Variants in FSIP2 observed in about 807,000 individuals in gnomAD.
FSIP2 encodes fibrous sheath interacting protein 2.
In FSIP2, 367 loss-of-function variants were observed where a neutral mutation model predicts 510.5. The observed-to-expected ratio is 0.72, with a 90% CI of 0.66 to 0.78. The LOEUF (loss-of-function observed/expected upper bound fraction) is 0.78. Ranked by LOEUF, FSIP2 falls within the 30% of genes least tolerant of loss-of-function variation. The pLI, the probability that FSIP2 is intolerant of heterozygous loss-of-function variation, is 0.00. For synonymous variants in FSIP2, 2,601 were observed against 2,732.2 expected, an observed-to-expected ratio of 0.95 and a Z score of 1.50; for missense variants, 7,594 against 7,901.7, an observed-to-expected ratio of 0.96 and a Z score of 1.48.
rs1419347206 is a variant in FSIP2 at position 185,801,666 on chromosome 2, C to A, written c.12360C>A (p.Asn4120Lys). 6.5e-7 allele frequency: 1 copy of A among 1,527,874 alleles called. No individual in the cohort carries two copies. Among genetic ancestry groups the A allele is most frequent in the Non-Finnish European group, 8.8e-7 (1 of 1,142,838 alleles). The allele number at this position is 1,527,874 out of a possible 1,614,324, so 94.6% of individuals were successfully genotyped here. A position where few individuals can be genotyped will look rare whatever the true frequency, so the allele number is the denominator to read the frequency against. ...TTATATTGCAAAAGCTTCAAAGTAA[C>A]CTAACAGAATTTACTTCTCTACCCA... is the stretch of plus-strand genomic sequence containing the variant. Reference protein sequence around the residue: ...PEIILQKLQSNLTEFTSLPRS... With the variant: ...PEIILQKLQSKLTEFTSLPRS... The change falls in exon 17 of 23, where the codon AAC becomes AAA. Residue 4120 changes from asparagine (N) to lysine (K), a missense_variant. Physicochemically the swap from Asn to Lys is moderately conservative, Grantham distance 94 (BLOSUM62 0). Transcript: ENST00000424728.
At position 185,808,390 on chromosome 2, in the gene FSIP2, T is replaced by C; in HGVS notation, c.19084T>C (p.Leu6362=). 1.9e-6 allele frequency: 3 copies of C among 1,610,794 alleles called. No individual in the cohort carries two copies. Among genetic ancestry groups the C allele is most frequent in the Non-Finnish European group, 2.5e-6 (3 of 1,178,934 alleles). The change falls in exon 17 of 23, where the codon TTG becomes CTG. Residue 6362 remains leucine (L), a synonymous_variant. Transcript: ENST00000424728. ...LALFLAKLIR[L]PSSSSKDEKN... ...CTTGTTCTTGGCTAAACTAATAAGG[T>C]TGCCAAGTTCCTCAAGCAAAGATGA...
chr2:185,816,742 G>C (rs1693832608), intron 19 of FSIP2, among the ~76,000 whole-genome samples: 1 of 151,784 alleles, frequency 6.6e-6, no homozygotes, highest in Admixed American at 6.6e-5. Flanking sequence ...CCTAGTCCTA[G>C]CTACTCAGGA....
Position 185,807,745 on chromosome 2 carries a change from G to C in FSIP2, c.18439G>C (p.Glu6147Gln). The change falls in exon 17 of 23, where the codon GAA (glutamate) becomes CAA (glutamine). Residue 6147 changes from glutamate to glutamine, a missense_variant. Coordinates refer to ENST00000424728, the MANE Select transcript of FSIP2 (RefSeq NM_173651.4). ...AACTCCACATCAGTGTGTGGAAGTT[G>C]AAAACATCGTTGAAAAGATCCTTAA... ...ELTPHQCVEVENIVEKILKDV... is the reference protein window; with the variant it reads ...ELTPHQCVEVQNIVEKILKDV... 1.2e-6 allele frequency: 2 copies of C among 1,612,214 alleles called. No homozygotes were observed. Among genetic ancestry groups the C allele is most frequent in the Non-Finnish European group, 1.7e-6 (2 of 1,179,084 alleles).
chr2:185,738,972 G>T lies in FSIP2; in HGVS notation c.78G>T (p.Ala26=), dbSNP rs1559006414. ...VTKTVASVLA[A]DTQQCRDGVH... is the part of the protein sequence containing the mutation. ...AGACGGTCGCCAGCGTCCTGGCCGC[G>T]GACACCCAGCAGTGCAGAGACGTGA... Residue 26 remains alanine (A), a synonymous_variant, in exon 1 of 23, where the codon GCG becomes GCT. Coordinates refer to ENST00000424728, the MANE Select transcript of FSIP2 (RefSeq NM_173651.4). 1.3e-6 allele frequency: 2 copies of T among 1,533,470 alleles called. No homozygotes were observed. Among genetic ancestry groups the T allele is most frequent in the South Asian group, 2.4e-5 (2 of 83,942 alleles). The allele number at this position is 1,533,470 out of a possible 1,614,324, so 95.0% of individuals were successfully genotyped here.
In FSIP2 at chr2:185,805,866, G is replaced by A. The variant is rs1249443894; in HGVS notation, c.16560G>A (p.Val5520=). The change falls in exon 17 of 23, where the codon GTG becomes GTA. Residue 5520 remains valine (V), a synonymous_variant. Transcript: ENST00000424728. The part of the protein sequence containing the change: ...LATGVTNKKE[V]DENKVGICTQ... ...CAGGTGTGACAAATAAAAAGGAAGT[G>A]GATGAAAATAAAGTGGGAATTTGTA... The A allele has an allele frequency of 1.9e-6, 3 of 1,608,394 alleles. No homozygotes were observed. Among genetic ancestry groups the A allele is most frequent in the African/African-American group, 2.7e-5 (2 of 74,628 alleles).
chr2:185,758,107 A>G (rs1692279048), intron 9 of FSIP2, among the ~76,000 whole-genome samples: 1 of 151,328 alleles, frequency 6.6e-6, no homozygotes, highest in Non-Finnish European at 1.5e-5. Flanking sequence ...CTTTATAAAA[A>G]TGGCTTCTTT....
chr2:185,802,814 A>G lies in FSIP2; in HGVS notation c.13508A>G (p.Asn4503Ser), dbSNP rs978038640. Residue 4503 changes from asparagine to serine, a missense_variant, in exon 17 of 23, where the codon AAT becomes AGT. Physicochemically the swap from Asn to Ser is conservative, Grantham distance 46. Coordinates refer to ENST00000424728, the MANE Select transcript of FSIP2 (RefSeq NM_173651.4). ...TQKDISRVNF[N>S]DIASNLVSDI... The stretch of plus-strand genomic sequence containing the variant: ...AAAGATATATCAAGAGTGAATTTCA[A>G]TGACATTGCTTCAAACCTAGTTAGT... 3 of 1,520,964 alleles carry G rather than the reference A, an allele frequency of 2.0e-6. No homozygotes were observed. The highest frequency in any genetic ancestry group is 2.5e-5 in the East Asian group (1 of 40,790). 94.2% of individuals were successfully genotyped at this position (1,520,964 alleles called of 1,614,324 possible).
Position 185,791,283 on chromosome 2 carries a change from C to T in FSIP2, c.4147C>T (p.Pro1383Ser), listed in dbSNP as rs1353323422. 3 of 1,533,932 alleles carry T rather than the reference C, an allele frequency of 2.0e-6. No homozygotes were observed. The highest frequency in any genetic ancestry group is 2.6e-6 in the Non-Finnish European group (3 of 1,145,518). Residue 1383 changes from proline (P) to serine (S), a missense_variant, in exon 16 of 23, where the codon CCA (proline) becomes TCA (serine). Transcript: ENST00000424728. ...QRSISLSSRK[P>S]KSATDSVDVQ... ...AAGCATTTCACTCTCTTCTCGTAAG[C>T]CAAAGTCTGCAACTGACAGTGTTGA...
In FSIP2 at chr2:185,801,838, T is replaced by C; in HGVS notation, c.12532T>C (p.Ser4178Pro). 1 of 1,485,264 alleles carries C rather than the reference T, an allele frequency of 6.7e-7. No homozygotes were observed. The allele number at this position is 1,485,264 out of a possible 1,614,324, so 92.0% of individuals were successfully genotyped here. The change falls in exon 17 of 23, where the codon TCC becomes CCC. Residue 4178 changes from serine to proline, a missense_variant. Ser to Pro is a moderately conservative substitution (Grantham distance 74). Coordinates refer to ENST00000424728, the MANE Select transcript of FSIP2 (RefSeq NM_173651.4). ...YLMSSDFNEM[S>P]TCIINKVMSA... ...AATGAGTTCTGATTTTAATGAAATG[T>C]CCACTTGTATAATAAATAAGGTTAT...
rs1417747729 is a variant in FSIP2 at position 185,803,138 on chromosome 2, A to T, written c.13832A>T (p.Gln4611Leu). ...SDTYFDDERR[Q>L]LFYTSVYSST... ...ACATATTTTGATGATGAGAGAAGGC[A>T]GTTATTTTATACCAGTGTTTACTCT... The change falls in exon 17 of 23, where the codon CAG becomes CTG. Residue 4611 changes from glutamine to leucine, a missense_variant. Gln to Leu is a moderately radical substitution (Grantham distance 113). Coordinates refer to ENST00000424728, the MANE Select transcript of FSIP2 (RefSeq NM_173651.4). The T allele has an allele frequency of 6.6e-6, 10 of 1,523,714 alleles. No individual in the cohort carries two copies. Among genetic ancestry groups the T allele is most frequent in the African/African-American group, 4.2e-5 (3 of 72,196 alleles). The allele number at this position is 1,523,714 out of a possible 1,614,324, so 94.4% of individuals were successfully genotyped here.
Position 185,806,505 on chromosome 2 carries a change from A to C in FSIP2, c.17199A>C (p.Lys5733Asn), listed in dbSNP as rs896126616. The change falls in exon 17 of 23, where the codon AAA (lysine) becomes AAC (asparagine). Residue 5733 changes from lysine (K) to asparagine (N), a missense_variant. Lys to Asn is a moderately conservative substitution (Grantham distance 94). Transcript: ENST00000424728. ...RDSAQSVTTK[K>N]VSSSTNKNIS... ...CGGCACAGTCTGTTACAACAAAAAA[A>C]GTATCCTCCTCAACTAACAAAAATA... 6.2e-7 allele frequency: 1 copy of C among 1,602,216 alleles called. No individual in the cohort carries two copies. Among genetic ancestry groups the C allele is most frequent in the Non-Finnish European group, 8.5e-7 (1 of 1,176,368 alleles).
rs754039325 is a variant in FSIP2, at chr2:185,806,912, G to C, written c.17606G>C (p.Arg5869Thr). The change falls in exon 17 of 23, where the codon AGG becomes ACG. Residue 5869 changes from arginine (R) to threonine (T), a missense_variant. Physicochemically the swap from Arg to Thr is moderately conservative, Grantham distance 71. Coordinates refer to ENST00000424728, the MANE Select transcript of FSIP2 (RefSeq NM_173651.4). ...TCTTCAGTTCCTAAAGTACCTCCAA[G>C]GTATAAAGAGCCAACTACAGATGAA... ...KVSSVPKVPP[R>T]YKEPTTDEAP... is the part of the protein sequence containing the mutation. The C allele has an allele frequency of 8.7e-6, 14 of 1,610,344 alleles. No individual in the cohort carries two copies. The highest frequency in any genetic ancestry group is 9.3e-6 in the Non-Finnish European group (11 of 1,178,370).
chr2:185,776,960 G>A (rs1692737945), intron 13 of FSIP2, among the ~76,000 whole-genome samples: 1 of 152,114 alleles, frequency 6.6e-6, no homozygotes, highest in Admixed American at 6.5e-5. Context: ...CTCACCTCAG[G>A]TGATCTGCCC....
chr2:185,738,710 G>T, upstream of FSIP2: 1 of 1,536,080 alleles, frequency 6.5e-7, no homozygotes, highest in South Asian at 1.2e-5. Context: ...GCGCTGGCGC[G>T]AGCCGCCCCT....
rs1216478605 is a variant in FSIP2, at chr2:185,738,890, C to A, written c.-5C>A. On this transcript the variant is annotated 5_prime_UTR_variant, in exon 1 of 23. Coordinates refer to ENST00000424728, the MANE Select transcript of FSIP2 (RefSeq NM_173651.4). ...GAGGAAGGGGCTGAGGGGGCTGTGC[C>A]GGCCATGGAGCTGTACCTCGGCGCC... The A allele has an allele frequency of 2.0e-6, 3 of 1,535,418 alleles. No homozygotes were observed. Among genetic ancestry groups the A allele is most frequent in the Non-Finnish European group, 2.6e-6 (3 of 1,146,726 alleles).
chr2:185,754,141 C>G (rs536432681), intron 8 of FSIP2, among the ~76,000 whole-genome samples: 3 of 151,152 alleles, frequency 2.0e-5, no homozygotes, highest in African/African-American at 7.3e-5. Context: ...CTAGGATAAC[C>G]ACTATTATAT....
Position 185,794,331 on chromosome 2 carries a change from A to ATGTT in FSIP2, c.7196_7199dup (p.Leu2400PhefsTer4). 1 of 1,517,462 alleles carries ATGTT rather than the reference A, an allele frequency of 6.6e-7. No individual in the cohort carries two copies. The highest frequency in any genetic ancestry group is 8.8e-7 in the Non-Finnish European group (1 of 1,139,456). 94.0% of individuals were successfully genotyped at this position (1,517,462 alleles called of 1,614,324 possible). A position where few individuals can be genotyped will look rare whatever the true frequency, so the allele number is the denominator to read the frequency against. On this transcript the variant is annotated frameshift_variant, in exon 16 of 23. Coordinates refer to ENST00000424728, the MANE Select transcript of FSIP2 (RefSeq NM_173651.4). LOFTEE classifies it high-confidence loss of function. ...TGAAATTGTTGACAGTATGTTAAAG[A>ATGTT]TGTTAGATGATAAAAGATCTGTAAA...
chr2:185,784,388 G>A (rs774685824), intron 14 of FSIP2, among the ~76,000 whole-genome samples: 41 of 152,168 alleles, frequency 2.7e-4, no homozygotes, highest in Non-Finnish European at 4.9e-4. Context: ...ATGGTTTTTA[G>A]TGGGGGTGTA....
chr2:185,763,411 T>G, intron 12 of FSIP2, 122 bp downstream of exon 12: 1 of 626,552 alleles, frequency 1.6e-6, no homozygotes, highest in South Asian at 1.8e-5. Context: ...TTCCCTGAAA[T>G]TAGTCATACA....
Sources: allele counts gnomAD v4.1 joint callset (sites outside exome capture counted in the v4.1 genomes callset), GRCh38; gene constraint gnomAD v4.1.1; transcripts MANE v1.5; gene names NCBI Gene and HGNC (gene_info 2026-07-23, HGNC 2026-07-21).